Variants in ZC3H12B observed in about 807,000 individuals in gnomAD.
ZC3H12B encodes probable ribonuclease ZC3H12B.
Under a neutral mutation model 43.9 loss-of-function variants are expected in ZC3H12B, and 7 were observed. The observed-to-expected ratio is 0.16, with a 90% confidence interval of 0.09 to 0.30. The LOEUF (loss-of-function observed/expected upper bound fraction) is 0.30, where lower values mean the gene tolerates loss of function less well. Among genes scored for constraint, ZC3H12B ranks in the 10% least tolerant of loss-of-function variants. ZC3H12B has a pLI of 1.00. For missense variants in ZC3H12B, 475 were observed against 670.2 expected (o/e 0.71, Z 3.22); for synonymous variants, 222 against 241.7 (o/e 0.92, Z 0.76).
the ZC3H12B span, among the ~76,000 whole-genome samples, chrX:65,264,707 G>A: frequency 1.8e-5 from 2 of 111,502 alleles, no homozygotes; most frequent in Non-Finnish European, 3.8e-5. Context: ...AGTGACACTT[G>A]CTGGAGGTCA....
the ZC3H12B span, among the ~76,000 whole-genome samples, chrX:65,087,118 GCTCCGATA>G: frequency 1.8e-5 from 2 of 110,347 alleles, no homozygotes; most frequent in African/African-American, 6.6e-5. Context: ...ATTACATTTA[GCTCCGATA>G]CCCACAATAG....
the ZC3H12B span, among the ~76,000 whole-genome samples, chrX:65,170,600 G>A: frequency 8.9e-6 from 1 of 111,888 alleles, no homozygotes; most frequent in Non-Finnish European, 1.9e-5. Flanking sequence ...GGTTGGGGAA[G>A]TTCTCCTGGA....
intron 3 of ZC3H12B, among the ~76,000 whole-genome samples, chrX:65,407,569 G>C (rs2066846995): frequency 1.8e-5 from 2 of 113,606 alleles, no homozygotes; most frequent in East Asian, 2.8e-4. Context: ...TGGGGTTAGC[G>C]GGGGCCGCCG....
chrX:65,424,959 G>A (rs965745225), intron 3 of ZC3H12B, among the ~76,000 whole-genome samples: 2 of 111,368 alleles, frequency 1.8e-5, no homozygotes, highest in Non-Finnish European at 3.8e-5. Flanking sequence ...CTCTATTTTG[G>A]TTCCATATGA....
At chrX:65,135,962 C>A in the ZC3H12B span, among the ~76,000 whole-genome samples, 4 of 110,996 alleles carry the variant, frequency 3.6e-5, no homozygotes, top group Non-Finnish European at 5.7e-5. Context: ...TAGTTGTTTA[C>A]TGAAGCATTT....
the ZC3H12B span, among the ~76,000 whole-genome samples, chrX:65,127,220 C>T: frequency 8.9e-6 from 1 of 111,752 alleles, no homozygotes; most frequent in Non-Finnish European, 1.9e-5. Context: ...CTCCCCCTTC[C>T]CCTAGGAAAG....
the ZC3H12B span, among the ~76,000 whole-genome samples, chrX:65,133,676 C>A: frequency 9.1e-6 from 1 of 110,311 alleles, no homozygotes; most frequent in African/African-American, 3.3e-5. Flanking sequence ...GGTGGGAGAG[C>A]GGAGGCTGAG....
At chrX:65,179,626 G>A in the ZC3H12B span, among the ~76,000 whole-genome samples, 2 of 110,512 alleles carry the variant, frequency 1.8e-5, no homozygotes, top group South Asian at 7.6e-4. Context: ...AGGGAGAAGA[G>A]TGAAATGGAC....
At chrX:65,250,861 C>A in the ZC3H12B span, among the ~76,000 whole-genome samples, 1 of 111,474 alleles carries the variant, frequency 9.0e-6, no homozygotes, top group Non-Finnish European at 1.9e-5. Context: ...GAGCAGATTG[C>A]AAAAATTTTC....
At chrX:65,312,082 A>T in the ZC3H12B span, among the ~76,000 whole-genome samples, 1 of 111,606 alleles carries the variant, frequency 9.0e-6, no homozygotes, top group Non-Finnish European at 1.9e-5. Flanking sequence ...AACATGGCAT[A>T]TGTATATCTA....
At chrX:65,307,586 T>C in the ZC3H12B span, among the ~76,000 whole-genome samples, 1 of 111,628 alleles carries the variant, frequency 9.0e-6, no homozygotes, top group Non-Finnish European at 1.9e-5. Flanking sequence ...TTTTCCACAA[T>C]AAACTGCAGA....
chrX:65,081,806 T>C, the ZC3H12B span, among the ~76,000 whole-genome samples: 2 of 112,030 alleles, frequency 1.8e-5, no homozygotes, highest in African/African-American at 3.2e-5. Context: ...ATAGAGCATG[T>C]CATCCAATAG....
the ZC3H12B span, among the ~76,000 whole-genome samples, chrX:65,232,738 C>T: frequency 2.7e-5 from 3 of 109,962 alleles, no homozygotes; most frequent in South Asian, 7.9e-4. Context: ...TAAGTCCTTA[C>T]ATATCAATAT....
At chrX:65,058,644 C>A in the ZC3H12B span, among the ~76,000 whole-genome samples, 2 of 112,166 alleles carry the variant, frequency 1.8e-5, no homozygotes, top group Non-Finnish European at 3.8e-5. Context: ...TTTCTGCTGC[C>A]TTTTGTTCGG....
the ZC3H12B span, among the ~76,000 whole-genome samples, chrX:65,045,170 C>T: frequency 7.2e-5 from 8 of 110,987 alleles, no homozygotes; most frequent in Non-Finnish European, 1.5e-4. Context: ...GCTGACTGAT[C>T]AGGGTGGTGG....
At chrX:65,287,019 G>A in the ZC3H12B span, among the ~76,000 whole-genome samples, 3 of 110,467 alleles carry the variant, frequency 2.7e-5, no homozygotes, top group African/African-American at 6.6e-5. Flanking sequence ...ACCCAACACC[G>A]GTGCACTCAG....
intron 3 of ZC3H12B, among the ~76,000 whole-genome samples, chrX:65,413,592 G>A (rs1012062600): frequency 3.6e-5 from 4 of 111,940 alleles, no homozygotes; most frequent in African/African-American, 1.3e-4. Context: ...TTGACTATAG[G>A]TTTATGGACT....
intron 2 of ZC3H12B, among the ~76,000 whole-genome samples, chrX:65,381,894 A>G (rs1339844865): frequency 8.9e-6 from 1 of 111,936 alleles, no homozygotes; most frequent in African/African-American, 3.2e-5. Context: ...CTCTCCCAAG[A>G]CTAAACCAGG....
chrX:65,395,941 T>C (rs959635518), intron 2 of ZC3H12B, among the ~76,000 whole-genome samples: 9 of 111,789 alleles, frequency 8.1e-5, no homozygotes, highest in African/African-American at 2.6e-4. Flanking sequence ...CAGGAATTTA[T>C]TGATTTCTTC....
Sources: allele counts gnomAD v4.1 joint callset (sites outside exome capture counted in the v4.1 genomes callset), GRCh38; gene constraint gnomAD v4.1.1; transcripts MANE v1.5; gene names NCBI Gene and HGNC (gene_info 2026-07-23, HGNC 2026-07-21).